REPS1: variants seen among roughly 807,000 people sequenced by gnomAD.
REPS1 encodes ralBP1-associated Eps domain-containing protein 1.
Under a neutral mutation model 100.9 loss-of-function variants are expected in REPS1, and 39 were observed. That is an observed-to-expected ratio of 0.39 (90% CI 0.30 to 0.50). The LOEUF (loss-of-function observed/expected upper bound fraction) is 0.50. Among genes scored for constraint, REPS1 ranks in the 20% least tolerant of loss-of-function variants. The probability of loss-of-function intolerance (pLI) is 0.86; values close to 1 mark genes in which losing one functional copy is unlikely to be tolerated. For missense variants in REPS1, 821 were observed against 968.5 expected (o/e 0.85, Z 2.02); for synonymous variants, 324 against 340.3 (o/e 0.95, Z 0.53).
chr6:138,980,121 T>C (rs1470771382), intron 1 of REPS1, among the ~76,000 whole-genome samples: 1 of 152,164 alleles, frequency 6.6e-6, no homozygotes, highest in African/African-American at 2.4e-5. Context: ...CCCTCCCTTA[T>C]GTTCCATATC....
At chr6:138,923,736 G>A (rs547858377) in intron 10 of REPS1, among the ~76,000 whole-genome samples, 2 of 152,162 alleles carry the variant, frequency 1.3e-5, no homozygotes, top group Non-Finnish European at 2.9e-5. Flanking sequence ...TAACCATCTG[G>A]TTTGCAAATG....
intron 13 of REPS1, 110 bp downstream of exon 13, chr6:138,917,445 A>AC: frequency 2.5e-6 from 2 of 806,596 alleles, no homozygotes; most frequent in South Asian, 3.4e-5. Context: ...TCAAAAAGTA[A>AC]CCTAACAGCT....
chr6:138,912,417 A>G (rs112640474), intron 16 of REPS1, among the ~76,000 whole-genome samples: 3 of 152,342 alleles, frequency 2.0e-5, no homozygotes, highest in African/African-American at 7.2e-5. Context: ...AAAAGTTGCA[A>G]TGAGTGGAGC....
intron 1 of REPS1, among the ~76,000 whole-genome samples, chr6:138,984,758 T>C (rs1785160216): frequency 6.6e-6 from 1 of 152,200 alleles, no homozygotes; most frequent in East Asian, 1.9e-4. Context: ...AGCACTGCTT[T>C]ATGAGTCATT....
At position 138,975,022 on chromosome 6, in the gene REPS1, C is replaced by A. The variant is rs571511029; in HGVS notation, c.153+12508G>T. On this transcript the variant is annotated intron_variant, in intron 1 of 19. Transcript: ENST00000450536. The stretch of plus-strand genomic sequence containing the variant: ...AAAAAAAAAAAGTTAGGCTTGCATT[C>A]CTCATTTTTAGTGAATGGCCTCATT... Among the ~76,000 whole-genome samples the A allele has an allele frequency of 3.9e-5, 6 of 151,970 alleles. No homozygotes were observed. In the East Asian group the frequency reaches 9.7e-4, roughly 25 times the overall value.
At chr6:138,907,704 CA>C in intron 18 of REPS1, 104 bp from the exon 19 acceptor site, 1 of 717,276 alleles carries the variant, frequency 1.4e-6, no homozygotes, top group Non-Finnish European at 2.4e-6. Context: ...GCAAAAAGAG[CA>C]TCTTTTTCCT....
chr6:138,952,663 G>A (rs554924196), intron 1 of REPS1, among the ~76,000 whole-genome samples: 1 of 152,080 alleles, frequency 6.6e-6, no homozygotes, highest in African/African-American at 2.4e-5. Context: ...GTCTCTCAAA[G>A]TGCTAGGATT....
chr6:138,935,684 T>A (rs1472648868), intron 8 of REPS1, among the ~76,000 whole-genome samples: 1 of 151,768 alleles, frequency 6.6e-6, no homozygotes, highest in Non-Finnish European at 1.5e-5. Context: ...TGAAACCCCG[T>A]CTCTACTAAA....
intron 9 of REPS1, chr6:138,927,671 C>A (rs1401479300): frequency 6.6e-6 from 1 of 152,092 alleles, no homozygotes; most frequent in Non-Finnish European, 1.5e-5. Context: ...AAATTACCTA[C>A]AAAAACGGCT....
rs577500512 is a variant in REPS1 at position 138,982,460 on chromosome 6, T to G, written c.153+5070A>C. ...TTATGCATTCAAAGTCTGTATGAAG[T>G]TTTAAGACATTTCCCAAAACAGAAG... On this transcript the variant is annotated intron_variant, in intron 1 of 19. Coordinates refer to ENST00000450536, the MANE Select transcript of REPS1 (RefSeq NM_001286611.2). Among the ~76,000 whole-genome samples the G allele has an allele frequency of 2.8e-4, 43 of 152,326 alleles. No individual in the cohort carries two copies. The South Asian group carries it at 8.5e-3, about 30-fold the overall frequency.
intron 14 of REPS1, 180 bp from the exon 15 acceptor site, chr6:138,914,941 C>A: frequency 1.7e-6 from 1 of 575,530 alleles, no homozygotes; most frequent in African/African-American, 1.9e-5. Flanking sequence ...AATCTCACAG[C>A]CTTTCATCAG....
At chr6:138,980,986 A>G (rs897444363) in intron 1 of REPS1, among the ~76,000 whole-genome samples, 1 of 152,276 alleles carries the variant, frequency 6.6e-6, no homozygotes, top group Non-Finnish European at 1.5e-5. Flanking sequence ...GATTTAAGAC[A>G]GAAGTGTTTA....
intron 19 of REPS1, among the ~76,000 whole-genome samples, chr6:138,906,254 G>GATAAATTCAA (rs1449192082): frequency 6.6e-6 from 1 of 152,190 alleles, no homozygotes; most frequent in Non-Finnish European, 1.5e-5. Context: ...TTCAGTAGAT[G>GATAAATTCAA]TTTATCAAAT....
rs180749130 is a variant in REPS1 at position 138,921,251 on chromosome 6, A to C, written c.1339-127T>G. ...TCCCATTTACACTAAGGCAGGCATGAAAATAAGCTTTGTAAGTTAAAAGCT... is the reference window on the plus strand; with the variant it reads ...TCCCATTTACACTAAGGCAGGCATGCAAATAAGCTTTGTAAGTTAAAAGCT... On this transcript the variant is annotated intron_variant, in intron 10 of 19. Transcript: ENST00000450536. 8.2e-4 allele frequency: 497 copies of C among 605,026 alleles called. 3 individuals are homozygous for C. In the East Asian group the frequency reaches 0.014, roughly 17 times the overall value. The allele number at this position is 605,026 out of a possible 1,614,324, so 37.5% of individuals were successfully genotyped here. A position where few individuals can be genotyped will look rare whatever the true frequency, so the allele number is the denominator to read the frequency against.
At chr6:138,969,085 G>A (rs1449760302) in intron 1 of REPS1, among the ~76,000 whole-genome samples, 1 of 151,916 alleles carries the variant, frequency 6.6e-6, no homozygotes, top group Non-Finnish European at 1.5e-5. Flanking sequence ...ATTGCAGACT[G>A]GTTATTATAC....
intron 16 of REPS1, among the ~76,000 whole-genome samples, chr6:138,912,350 TTTAG>T (rs1396707741): frequency 2.6e-5 from 4 of 152,224 alleles, no homozygotes; most frequent in Admixed American, 2.6e-4. Context: ...GAAATTTGTT[TTTAG>T]TTAAAGTTGT....
intron 12 of REPS1, among the ~76,000 whole-genome samples, chr6:138,919,562 T>C (rs902414146): frequency 1.3e-5 from 2 of 152,224 alleles, no homozygotes; most frequent in African/African-American, 4.8e-5. Flanking sequence ...CTATTCCAGG[T>C]ATTTGCCTGC....
At chr6:138,940,175 T>G (rs1367306414) in intron 8 of REPS1, among the ~76,000 whole-genome samples, 2 of 152,240 alleles carry the variant, frequency 1.3e-5, no homozygotes, top group East Asian at 3.8e-4. Context: ...CTGCGTAATT[T>G]AGACAACTAA....
At chr6:138,925,776 A>G (rs1192676870) in intron 10 of REPS1, among the ~76,000 whole-genome samples, 1 of 152,218 alleles carries the variant, frequency 6.6e-6, no homozygotes, top group Admixed American at 6.5e-5. Flanking sequence ...TGTAGCATAT[A>G]TTAAATTAAC....
Sources: gnomAD v4.1 joint callset for allele counts (sites outside exome capture counted in the v4.1 genomes callset) on GRCh38, gnomAD v4.1.1 for gene constraint, MANE v1.5 for transcripts, NCBI Gene and HGNC (gene_info 2026-07-23, HGNC 2026-07-21) for gene names.